Variants in RTN4RL1 observed in about 807,000 individuals in gnomAD.
The protein encoded by RTN4RL1 is reticulon-4 receptor-like 1.
Under a neutral mutation model 25.6 loss-of-function variants are expected in RTN4RL1, and 7 were observed. The observed-to-expected ratio is 0.27, with a 90% CI of 0.16 to 0.51. The LOEUF is 0.51. Ranked by LOEUF, RTN4RL1 falls within the 20% of genes least tolerant of loss-of-function variation. The pLI, the probability that RTN4RL1 is intolerant of heterozygous loss-of-function variation, is 0.97. For missense variants in RTN4RL1, 500 were observed against 615.6 expected (o/e 0.81, Z 1.99); for synonymous variants, 297 against 288.2 (o/e 1.03, Z -0.31).
chr17:1,987,661 C>T (rs1363524913), intron 1 of RTN4RL1, among the ~76,000 whole-genome samples: 1 of 150,176 alleles, frequency 6.7e-6, no homozygotes, highest in African/African-American at 2.5e-5. Context: ...TGTGATTTCA[C>T]AGCCAACAAA....
At chr17:1,977,867 C>T (rs534670673) in intron 1 of RTN4RL1, among the ~76,000 whole-genome samples, 152 of 152,024 alleles carry the variant, frequency 1.0e-3, no homozygotes, top group African/African-American at 3.1e-3. Context: ...GAGCCGGGGT[C>T]GGGGGCGCAT....
At chr17:2,022,773 G>C (rs2067225315) in intron 1 of RTN4RL1, among the ~76,000 whole-genome samples, 1 of 152,228 alleles carries the variant, frequency 6.6e-6, no homozygotes, top group Non-Finnish European at 1.5e-5. Context: ...GCTTCCTTTG[G>C]GCCAATCCAG....
At chr17:1,952,064 A>AG (rs1915693841) in intron 1 of RTN4RL1, among the ~76,000 whole-genome samples, 4 of 38,728 alleles carry the variant, frequency 1.0e-4, no homozygotes, top group African/African-American at 3.2e-4. Flanking sequence ...CTCTACCCAG[A>AG]AGCTGCTGCT....
At chr17:1,961,158 T>C (rs1915886041) in intron 1 of RTN4RL1, among the ~76,000 whole-genome samples, 1 of 152,146 alleles carries the variant, frequency 6.6e-6, no homozygotes, top group Non-Finnish European at 1.5e-5. Context: ...CGGTTCACTA[T>C]CAAGCACTCG....
chr17:1,964,471 G>A (rs529975308), intron 1 of RTN4RL1, among the ~76,000 whole-genome samples: 11 of 152,072 alleles, frequency 7.2e-5, no homozygotes, highest in East Asian at 5.9e-4. Flanking sequence ...GGTGGCTCAC[G>A]CCTGTTATCC....
At chr17:1,968,726 T>C (rs774675669) in intron 1 of RTN4RL1, among the ~76,000 whole-genome samples, 1 of 152,208 alleles carries the variant, frequency 6.6e-6, no homozygotes, top group Non-Finnish European at 1.5e-5. Context: ...CCCCTCTCCC[T>C]GGGATGCCCC....
At chr17:1,939,053 AT>A (rs2151304096) in intron 1 of RTN4RL1, among the ~76,000 whole-genome samples, 1 of 149,822 alleles carries the variant, frequency 6.7e-6, no homozygotes, top group African/African-American at 2.5e-5. Flanking sequence ...CTCAAAAAAA[AT>A]AAATAAATAA....
chr17:1,969,058 C>CTTGTTTTTT (rs2066806012), intron 1 of RTN4RL1, among the ~76,000 whole-genome samples: 1 of 103,892 alleles, frequency 9.6e-6, no homozygotes, highest in African/African-American at 3.7e-5. Context: ...ACCACTGTCC[C>CTTGTTTTTT]TTTTTTTTTT....
intron 1 of RTN4RL1, among the ~76,000 whole-genome samples, chr17:2,024,381 C>G (rs745308046): frequency 2.0e-5 from 3 of 152,168 alleles, no homozygotes; most frequent in Non-Finnish European, 4.4e-5. Flanking sequence ...GTCCGGGCCC[C>G]GTCTGGGGAG....
chr17:1,996,224 C>A (rs2066928944), intron 1 of RTN4RL1, among the ~76,000 whole-genome samples: 1 of 152,228 alleles, frequency 6.6e-6, no homozygotes, highest in African/African-American at 2.4e-5. Flanking sequence ...TTGAACCCAT[C>A]TCTGAGGCCA....
chr17:2,010,780 TCTCA>T (rs1431827397), intron 1 of RTN4RL1, among the ~76,000 whole-genome samples: 5 of 152,034 alleles, frequency 3.3e-5, no homozygotes, highest in Admixed American at 2.0e-4. Flanking sequence ...AGAGATGAAG[TCTCA>T]CTATGTTTCC....
rs2066937423 is a variant in RTN4RL1, at chr17:1,998,029, C to G, written c.13+26824G>C. 6.6e-6 allele frequency among the ~76,000 whole-genome samples: 1 copy of G among 152,102 alleles called. No individual in the cohort carries two copies. Among genetic ancestry groups the G allele is most frequent in the African/African-American group, 2.4e-5 (1 of 41,454 alleles). The stretch of plus-strand genomic sequence containing the variant: ...TGTCCCCCTCAGGGTGCCGGGCGCC[C>G]CACCCCCACCCCCGCCTCCGCCCCA... On this transcript the variant is annotated intron_variant, in intron 1 of 1. Transcript: ENST00000331238. The surrounding 1 kb of genome is among the most constrained non-coding windows in gnomAD (Gnocchi z 4.9).
intron 1 of RTN4RL1, among the ~76,000 whole-genome samples, chr17:1,962,062 A>T (rs1278489275): frequency 6.6e-6 from 1 of 151,330 alleles, no homozygotes; most frequent in African/African-American, 2.4e-5. Flanking sequence ...TAAGAGGATC[A>T]CTTGAGTCCA....
At chr17:1,975,493 A>G (rs1185417243) in intron 1 of RTN4RL1, among the ~76,000 whole-genome samples, 2 of 152,110 alleles carry the variant, frequency 1.3e-5, no homozygotes, top group Non-Finnish European at 2.9e-5. Context: ...TCTACTAAAA[A>G]TACAAAAATT....
intron 1 of RTN4RL1, among the ~76,000 whole-genome samples, chr17:2,005,575 A>G (rs1186994162): frequency 6.6e-6 from 1 of 152,098 alleles, no homozygotes; most frequent in African/African-American, 2.4e-5. Context: ...CAGAGAGGCC[A>G]CAGGGCTCAT....
intron 1 of RTN4RL1, among the ~76,000 whole-genome samples, chr17:1,941,028 G>C (rs1048370248): frequency 2.0e-5 from 3 of 152,162 alleles, no homozygotes; most frequent in African/African-American, 7.2e-5. Context: ...AATCCCACTC[G>C]ACATTTGCAC....
chr17:1,967,303 A>G (rs2151311952), intron 1 of RTN4RL1, among the ~76,000 whole-genome samples: 1 of 152,336 alleles, frequency 6.6e-6, no homozygotes, highest in East Asian at 1.9e-4. Context: ...CTCCACCTGC[A>G]GCATGGATTC....
At chr17:1,938,908 G>A (rs112680431) in intron 1 of RTN4RL1, among the ~76,000 whole-genome samples, 10 of 151,692 alleles carry the variant, frequency 6.6e-5, no homozygotes, top group South Asian at 2.1e-4. Context: ...AAAATTAGCC[G>A]GGTGGCTACT....
At chr17:1,989,802 G>C (rs962275954) in intron 1 of RTN4RL1, among the ~76,000 whole-genome samples, 7 of 151,924 alleles carry the variant, frequency 4.6e-5, no homozygotes, top group Non-Finnish European at 7.4e-5. Context: ...TCGAACTCCT[G>C]ACCTCATGAT....
Sources: gnomAD v4.1 joint callset for allele counts (sites outside exome capture counted in the v4.1 genomes callset) on GRCh38, gnomAD v4.1.1 for gene constraint, Gnocchi (gnomAD v3.1) non-coding constraint, MANE v1.5 for transcripts, NCBI Gene and HGNC (gene_info 2026-07-23, HGNC 2026-07-21) for gene names.